PALD1: variants seen among roughly 807,000 people sequenced by gnomAD.
PALD1 encodes the protein paladin.
A neutral mutation model predicts 96.0 loss-of-function variants in PALD1; 57 were observed. The observed-to-expected ratio is 0.59, with a 90% CI of 0.48 to 0.74. The LOEUF is 0.74. Among genes scored for constraint, PALD1 ranks in the 30% least tolerant of loss-of-function variants. The pLI, the probability that PALD1 is intolerant of heterozygous loss-of-function variation, is 0.00. For synonymous variants in PALD1, 464 were observed against 473.6 expected (o/e 0.98, Z 0.26); for missense variants, 1,063 against 1,143.7 (o/e 0.93, Z 1.02).
At chr10:70,496,068 C>A (rs557870750) in intron 1 of PALD1, among the ~76,000 whole-genome samples, 1 of 143,424 alleles carries the variant, frequency 7.0e-6, no homozygotes, top group South Asian at 2.3e-4. Context: ...CCTGGTTAAC[C>A]AACAAAGAAA....
intron 10 of PALD1, among the ~76,000 whole-genome samples, chr10:70,535,564 T>C (rs1397674987): frequency 6.8e-5 from 9 of 133,242 alleles, no homozygotes; most frequent in African/African-American, 2.4e-4. Context: ...TCCTCCTCCT[T>C]CTCTTCCTTC....
At chr10:70,515,017 A>G (rs1449059544) in intron 1 of PALD1, among the ~76,000 whole-genome samples, 1 of 152,250 alleles carries the variant, frequency 6.6e-6, no homozygotes, top group African/African-American at 2.4e-5. Context: ...CTACTCAGGA[A>G]TAAGTACCAT....
In PALD1 at chr10:70,534,889, C is replaced by T. The variant is rs144097577; in HGVS notation, c.1227+46C>T. 1.8e-3 allele frequency: 2,278 copies of T among 1,273,718 alleles called. 27 individuals are homozygous for T. In the African/African-American group the frequency reaches 0.025, roughly 14 times the overall value. The allele number at this position is 1,273,718 out of a possible 1,614,324, so 78.9% of individuals were successfully genotyped here. On this transcript the variant is annotated intron_variant, in intron 10 of 19. Transcript: ENST00000263563. ...TGAGCACTCTGCTTCTCTGTGAGCC[C>T]TGCAGCCTGATTTCATTAGGCATGT...
the PALD1 span, among the ~76,000 whole-genome samples, chr10:70,462,298 C>T: frequency 7.2e-5 from 11 of 152,374 alleles, no homozygotes; most frequent in African/African-American, 2.6e-4. Context: ...CTGGGTTCTA[C>T]TCCCGGCTCT....
chr10:70,538,478 C>A lies in PALD1; in HGVS notation c.1452+70C>A, dbSNP rs1847161795. 2.0e-6 allele frequency: 3 copies of A among 1,500,226 alleles called. No homozygotes were observed. In the East Asian group the frequency reaches 7.1e-5, roughly 36 times the overall value. 92.9% of individuals were successfully genotyped at this position (1,500,226 alleles called of 1,614,324 possible). ...GGCCCTGGCCCCTAAACACTGGATT[C>A]CTGTAGGGTTGGGGTAAGCATTGCC... On this transcript the variant is annotated intron_variant, in intron 12 of 19. Transcript: ENST00000263563.
At chr10:70,505,824 C>T (rs1005070536) in intron 1 of PALD1, among the ~76,000 whole-genome samples, 5 of 151,608 alleles carry the variant, frequency 3.3e-5, no homozygotes, top group African/African-American at 9.7e-5. Context: ...AGTTGGAGAC[C>T]ATCCTGGACA....
chr10:70,495,778 G>A (rs1846183483), intron 1 of PALD1, among the ~76,000 whole-genome samples: 1 of 151,572 alleles, frequency 6.6e-6, no homozygotes, highest in South Asian at 2.1e-4. Context: ...GCTGGGGCAG[G>A]AGGATCACTG....
At chr10:70,494,357 G>A (rs931066285) in intron 1 of PALD1, among the ~76,000 whole-genome samples, 1 of 152,218 alleles carries the variant, frequency 6.6e-6, no homozygotes, top group African/African-American at 2.4e-5. Flanking sequence ...CTAGAACAGT[G>A]CCTCACACAT....
At chr10:70,554,991 A>T (rs1847575058) in intron 18 of PALD1, among the ~76,000 whole-genome samples, 1 of 10,288 alleles carries the variant, frequency 9.7e-5, no homozygotes, top group Non-Finnish European at 1.7e-4. Flanking sequence ...CCTTTCTTTG[A>T]GACAGAGCCT....
intron 2 of PALD1, among the ~76,000 whole-genome samples, 155 bp downstream of exon 2, chr10:70,526,291 T>C (rs951416672): frequency 4.6e-5 from 7 of 152,256 alleles, no homozygotes; most frequent in Middle Eastern, 3.4e-3. Context: ...AAGCAGTTCA[T>C]TGGGAGTCAC....
At chr10:70,501,957 A>G (rs1846307504) in intron 1 of PALD1, among the ~76,000 whole-genome samples, 1 of 151,722 alleles carries the variant, frequency 6.6e-6, no homozygotes, top group African/African-American at 2.4e-5. Context: ...CATATAGTAG[A>G]TATTTTTCTA....
chr10:70,551,386 T>A (rs1017296853), intron 18 of PALD1, among the ~76,000 whole-genome samples: 4 of 152,286 alleles, frequency 2.6e-5, no homozygotes, highest in Middle Eastern at 6.8e-3. Flanking sequence ...GCCATCAGCC[T>A]GGTCAGATCC....
At chr10:70,557,605 C>T (rs912582899) in intron 18 of PALD1, among the ~76,000 whole-genome samples, 3 of 152,196 alleles carry the variant, frequency 2.0e-5, no homozygotes, top group African/African-American at 7.2e-5. Context: ...TGTACTGGGG[C>T]CCCACCGCTG....
rs531123514 is a variant in PALD1 at position 70,567,378 on chromosome 10, ATGG to A, written c.*649_*651del. On this transcript the variant is annotated 3_prime_UTR_variant, in exon 20 of 20. Transcript: ENST00000263563. ...TACCCAGCCTGGTGGGGCTGGCAGG[ATGG>A]TGGAGGTTTCTCAAGGAGCTGGAGA... The A allele has an allele frequency of 6.5e-6, 1 of 152,816 alleles. No individual in the cohort carries two copies. Among genetic ancestry groups the A allele is most frequent in the Non-Finnish European group, 1.5e-5 (1 of 68,134 alleles). The allele number at this position is 152,816 out of a possible 1,614,324, so 9.5% of individuals were successfully genotyped here. A position where few individuals can be genotyped will look rare whatever the true frequency, so the allele number is the denominator to read the frequency against.
chr10:70,472,176 C>T, the PALD1 span, among the ~76,000 whole-genome samples: 1 of 152,212 alleles, frequency 6.6e-6, no homozygotes, highest in South Asian at 2.1e-4. Context: ...GCAGCATCTT[C>T]ATAAAGGGCT....
chr10:70,537,412 GTTC>G (rs1847137192), intron 10 of PALD1, among the ~76,000 whole-genome samples: 1 of 152,246 alleles, frequency 6.6e-6, no homozygotes, highest in Non-Finnish European at 1.5e-5. Flanking sequence ...CCAGGTTCCA[GTTC>G]TTAAGGGAGG....
chr10:70,522,058 T>G (rs1467888557), intron 1 of PALD1, among the ~76,000 whole-genome samples: 1 of 152,106 alleles, frequency 6.6e-6, no homozygotes, highest in Non-Finnish European at 1.5e-5. Flanking sequence ...TTAGGCAAAT[T>G]AAGGTTACAT....
chr10:70,547,287 C>T lies in PALD1; in HGVS notation c.2122-19C>T. 1 of 1,612,252 alleles carries T rather than the reference C, an allele frequency of 6.2e-7. No individual in the cohort carries two copies. The highest frequency in any genetic ancestry group is 8.5e-7 in the Non-Finnish European group (1 of 1,178,582). ...TCTTACCAGTTTTATGTCTGCTCAC[C>T]CCCCTTCTCTGGCCCCAGGTAGTAA... On this transcript the variant is annotated intron_variant, in intron 17 of 19. Transcript: ENST00000263563.
intron 1 of PALD1, among the ~76,000 whole-genome samples, chr10:70,494,346 C>G (rs1301002056): frequency 6.6e-6 from 1 of 152,192 alleles, no homozygotes; most frequent in Non-Finnish European, 1.5e-5. Context: ...ATTTCTGGCT[C>G]CTAGAACAGT....
Sources: allele counts gnomAD v4.1 joint callset (sites outside exome capture counted in the v4.1 genomes callset), GRCh38; gene constraint gnomAD v4.1.1; transcripts MANE v1.5; gene names NCBI Gene and HGNC (gene_info 2026-07-23, HGNC 2026-07-21).